SYT9: variants seen among roughly 807,000 people sequenced by gnomAD.
The protein encoded by SYT9 is synaptotagmin-9.
SYT9 carries 22 observed loss-of-function variants against 48.4 expected under a neutral mutation model. The observed-to-expected ratio is 0.45, with a 90% confidence interval of 0.32 to 0.65. SYT9 has a LOEUF of 0.65. Among genes scored for constraint, SYT9 ranks in the 30% least tolerant of loss-of-function variants. SYT9 has a pLI of 0.03. For synonymous variants in SYT9, 265 were observed against 245.0 expected (o/e 1.08, Z -0.76); for missense variants, 577 against 622.0 (o/e 0.93, Z 0.77).
intron 1 of SYT9, among the ~76,000 whole-genome samples, chr11:7,278,136 G>A (rs767263216): frequency 2.0e-5 from 3 of 152,114 alleles, no homozygotes; most frequent in Non-Finnish European, 2.9e-5. Flanking sequence ...ACATCTAATT[G>A]CCCTGGGTCG....
chr11:7,287,349 A>T (rs1848615768), intron 1 of SYT9, among the ~76,000 whole-genome samples: 1 of 152,206 alleles, frequency 6.6e-6, no homozygotes, highest in African/African-American at 2.4e-5. Flanking sequence ...GGTCACTCCC[A>T]TGATATGTGG....
In SYT9 at chr11:7,466,854, A is replaced by G. The variant is rs1848347305; in HGVS notation, c.*54A>G. ...GGACAAAATAGGACAACCATCTCAC[A>G]AAGATCTTAAGTAACTTTTTCCATC... On this transcript the variant is annotated 3_prime_UTR_variant, in exon 7 of 7. Coordinates refer to ENST00000318881, the MANE Select transcript of SYT9 (RefSeq NM_175733.4). The G allele has an allele frequency of 2.4e-5, 39 of 1,602,044 alleles. No homozygotes were observed. The South Asian group carries it at 4.3e-4, about 18-fold the overall frequency.
At chr11:7,322,330 G>C (rs897567881) in intron 3 of SYT9, among the ~76,000 whole-genome samples, 1 of 152,146 alleles carries the variant, frequency 6.6e-6, no homozygotes, top group Non-Finnish European at 1.5e-5. Context: ...CTGATCCTAA[G>C]GGACAAGCAA....
intron 1 of SYT9, among the ~76,000 whole-genome samples, chr11:7,246,788 C>T (rs867140342): frequency 5.8e-4 from 88 of 152,278 alleles, no homozygotes; most frequent in African/African-American, 2.1e-3. Flanking sequence ...GTCTGCTGTG[C>T]TCATTTGTGG....
chr11:7,404,129 A>AT (rs1365626154), intron 3 of SYT9, among the ~76,000 whole-genome samples: 1 of 152,002 alleles, frequency 6.6e-6, no homozygotes, highest in Non-Finnish European at 1.5e-5. Context: ...ATTTATTTTT[A>AT]TTAGTGTTAA....
intron 1 of SYT9, among the ~76,000 whole-genome samples, chr11:7,298,171 A>T (rs189646947): frequency 7.2e-5 from 11 of 151,760 alleles, no homozygotes; most frequent in Non-Finnish European, 1.6e-4. Context: ...TCTACATATC[A>T]TATCTTTCAT....
chr11:7,403,242 C>A (rs1439518639), intron 3 of SYT9, among the ~76,000 whole-genome samples: 1 of 152,024 alleles, frequency 6.6e-6, no homozygotes, highest in East Asian at 1.9e-4. Flanking sequence ...CTTTGGATTT[C>A]TTCTTTGACC....
At chr11:7,435,739 GGGAGGCTGCGGGGAGT>G (rs1847693818) in intron 6 of SYT9, 1 of 152,228 alleles carries the variant, frequency 6.6e-6, no homozygotes, top group South Asian at 2.1e-4. Flanking sequence ...CCAGCACTTT[GGGAGGCTGCGGGGAGT>G]GGATCACTTG....
At chr11:7,290,035 C>G (rs75396011) in intron 1 of SYT9, among the ~76,000 whole-genome samples, 1 of 152,134 alleles carries the variant, frequency 6.6e-6, no homozygotes, top group Admixed American at 6.5e-5. Flanking sequence ...CAGACAGATC[C>G]GTGATCTGGG....
chr11:7,367,686 C>T (rs535370551), intron 3 of SYT9, among the ~76,000 whole-genome samples: 1 of 152,096 alleles, frequency 6.6e-6, no homozygotes, highest in South Asian at 2.1e-4. Flanking sequence ...TTTAAGATCT[C>T]TTTGAAATTA....
At chr11:7,264,758 G>T (rs1322946427) in intron 1 of SYT9, among the ~76,000 whole-genome samples, 1 of 152,220 alleles carries the variant, frequency 6.6e-6, no homozygotes, top group African/African-American at 2.4e-5. Flanking sequence ...GGAGCTCAAA[G>T]AACTACAGGC....
chr11:7,314,020 G>T lies in SYT9; in HGVS notation c.1044+79G>T, dbSNP rs993708396. The T allele has an allele frequency of 2.7e-6, 4 of 1,484,358 alleles. No homozygotes were observed. The African/African-American group carries it at 5.6e-5, about 21-fold the overall frequency. The allele number at this position is 1,484,358 out of a possible 1,614,324, so 91.9% of individuals were successfully genotyped here. The stretch of plus-strand genomic sequence containing the variant: ...AAACAGATTACTTACACATTATCTT[G>T]AGGACAAAGTGTAAAATTCCTGTCA... On this transcript the variant is annotated intron_variant, in intron 3 of 6. Coordinates refer to ENST00000318881, the MANE Select transcript of SYT9 (RefSeq NM_175733.4).
At chr11:7,240,578 G>A (rs775229412) in intron 1 of SYT9, among the ~76,000 whole-genome samples, 8 of 151,976 alleles carry the variant, frequency 5.3e-5, no homozygotes, top group Non-Finnish European at 1.5e-5. Flanking sequence ...AAAACATGAA[G>A]TGAATACCGT....
chr11:7,265,940 C>T (rs1427615419), intron 1 of SYT9, among the ~76,000 whole-genome samples: 2 of 152,060 alleles, frequency 1.3e-5, no homozygotes, highest in Non-Finnish European at 2.9e-5. Context: ...TTGCTTGATT[C>T]CTGTAGGCTA....
intron 3 of SYT9, among the ~76,000 whole-genome samples, chr11:7,356,846 A>C (rs1487520611): frequency 6.6e-6 from 1 of 152,218 alleles, no homozygotes; most frequent in African/African-American, 2.4e-5. Context: ...CTAAACTGTT[A>C]CTGTGTGCCA....
intron 3 of SYT9, among the ~76,000 whole-genome samples, chr11:7,365,873 C>T (rs1474283026): frequency 1.3e-5 from 2 of 152,208 alleles, no homozygotes; most frequent in African/African-American, 4.8e-5. Flanking sequence ...CTGCTCTAGC[C>T]ACAATCTGTA....
At chr11:7,383,671 T>TC (rs1463485842) in intron 3 of SYT9, among the ~76,000 whole-genome samples, 1 of 152,154 alleles carries the variant, frequency 6.6e-6, no homozygotes, top group Non-Finnish European at 1.5e-5. Context: ...AGACATTTTC[T>TC]CATTTAGCCT....
chr11:7,303,151 C>A lies in SYT9; in HGVS notation c.258C>A (p.Gly86=). The part of the protein sequence containing the change: ...KLCWVPWRER[G]LPSGSKDNNQ... ...GCTGGGTTCCGTGGCGAGAACGAGG[C>A]CTGCCCTCTGGTAGCAAAGACAACA... The change falls in exon 2 of 7, where the codon GGC becomes GGA. Residue 86 remains glycine (G), a synonymous_variant. Transcript: ENST00000318881. The A allele has an allele frequency of 6.2e-7, 1 of 1,614,180 alleles. No homozygotes were observed. The highest frequency in any genetic ancestry group is 8.5e-7 in the Non-Finnish European group (1 of 1,180,026).
intron 6 of SYT9, chr11:7,427,463 T>A (rs1048542446): frequency 6.6e-6 from 1 of 152,232 alleles, no homozygotes; most frequent in Admixed American, 6.5e-5. Context: ...AGCCAAGTCC[T>A]AGAGCGCTCA....
Sources: allele counts gnomAD v4.1 joint callset (sites outside exome capture counted in the v4.1 genomes callset), GRCh38; gene constraint gnomAD v4.1.1; transcripts MANE v1.5; gene names NCBI Gene and HGNC (gene_info 2026-07-23, HGNC 2026-07-21).